The following SRGAP2C variants were observed in gnomAD, a reference collection of about 807,000 sequenced individuals.
The protein encoded by SRGAP2C is SLIT-ROBO Rho GTPase-activating protein 2C.
SRGAP2C carries 15 observed loss-of-function variants against 25.1 expected under a neutral mutation model. The observed-to-expected ratio is 0.60, with a 90% CI of 0.40 to 0.92. The LOEUF is 0.92. Among genes scored for constraint, SRGAP2C ranks in the 40% least tolerant of loss-of-function variants. The pLI is 0.00. For synonymous variants in SRGAP2C, 44 were observed against 96.6 expected, an observed-to-expected ratio of 0.46 and a Z score of 3.19; for missense variants, 144 against 264.4, an observed-to-expected ratio of 0.54 and a Z score of 3.16.
At chr1:121,321,340 C>CA (rs2101606934) in intron 3 of SRGAP2C, among the ~76,000 whole-genome samples, 1 of 102,464 alleles carries the variant, frequency 9.8e-6, no homozygotes, top group Non-Finnish European at 2.0e-5. Flanking sequence ...AACTATCGCA[C>CA]AAAATGCTGT....
chr1:121,268,468 C>T (rs1656860537), intron 2 of SRGAP2C, among the ~76,000 whole-genome samples: 1 of 151,218 alleles, frequency 6.6e-6, no homozygotes, highest in South Asian at 2.1e-4. Context: ...AGCAGGGCTG[C>T]AGTGTGGAGA....
intron 7 of SRGAP2C, 69 bp downstream of exon 7, chr1:121,375,023 C>T (rs1156905982): frequency 6.5e-5 from 47 of 724,052 alleles, no homozygotes; most frequent in South Asian, 2.8e-4. Flanking sequence ...CAGACATTCC[C>T]GATACTATTG....
chr1:121,223,065 C>T (rs1410507307), intron 2 of SRGAP2C, among the ~76,000 whole-genome samples: 21 of 151,946 alleles, frequency 1.4e-4, no homozygotes, highest in African/African-American at 4.4e-4. Flanking sequence ...CTTCTTCTTC[C>T]GAAGCAGTAT....
At chr1:121,334,817 C>T (rs1658476686) in intron 4 of SRGAP2C, among the ~76,000 whole-genome samples, 1 of 142,480 alleles carries the variant, frequency 7.0e-6, no homozygotes, top group Non-Finnish European at 1.5e-5. Flanking sequence ...TCAAATTTTT[C>T]CTCAATTTGA....
chr1:121,255,416 T>A (rs1431511703), intron 2 of SRGAP2C, among the ~76,000 whole-genome samples: 1 of 151,828 alleles, frequency 6.6e-6, no homozygotes, highest in East Asian at 1.9e-4. Flanking sequence ...AGACTTCCCT[T>A]GTTCCCAATT....
intron 2 of SRGAP2C, among the ~76,000 whole-genome samples, chr1:121,211,006 A>G (rs1655236532): frequency 8.0e-6 from 1 of 125,542 alleles, no homozygotes; most frequent in Non-Finnish European, 1.7e-5. Context: ...TTTGGCTGTC[A>G]AAAGGCCACT....
chr1:121,304,739 T>TGCAATC (rs1657788788), intron 3 of SRGAP2C, among the ~76,000 whole-genome samples: 1 of 151,628 alleles, frequency 6.6e-6, no homozygotes, highest in Non-Finnish European at 1.5e-5. Context: ...CACTTGCAAT[T>TGCAATC]GCAATCAAAT....
rs1553337869 is a variant in SRGAP2C at position 121,293,083 on chromosome 1, T to A, written c.260+8088T>A. 8.7e-4 allele frequency among the ~76,000 whole-genome samples: 114 copies of A among 130,772 alleles called. 3 individuals are homozygous for A. The highest frequency in any genetic ancestry group is 1.4e-3 in the Non-Finnish European group (88 of 62,336). The allele number at this position is 130,772 out of a possible 152,430, so 85.8% of individuals were successfully genotyped here. A position where few individuals can be genotyped will look rare whatever the true frequency, so the allele number is the denominator to read the frequency against. On this transcript the variant is annotated intron_variant, in intron 3 of 9. Coordinates refer to ENST00000367123, the MANE Select transcript of SRGAP2C (RefSeq NM_001329984.2). ...GATAAAAAAATTAAAGTGCCAATGC[T>A]AGGCATTGATCCTTTAAGTTTAATA... is the stretch of plus-strand genomic sequence containing the variant.
chr1:121,238,519 G>A (rs1190477395), intron 2 of SRGAP2C, among the ~76,000 whole-genome samples: 27 of 152,096 alleles, frequency 1.8e-4, no homozygotes, highest in Non-Finnish European at 2.2e-4. Context: ...AGCTATAGTG[G>A]TCTTGCCACA....
rs201346515 is a variant in SRGAP2C, at chr1:121,274,396, C to T, written c.68-10407C>T. 3.9e-3 allele frequency among the ~76,000 whole-genome samples: 591 copies of T among 150,550 alleles called. 10 individuals are homozygous for T. Among genetic ancestry groups the T allele is most frequent in the African/African-American group, 0.013 (536 of 41,074 alleles). On this transcript the variant is annotated intron_variant, in intron 2 of 9. Transcript: ENST00000367123. ...AGTAGGATGCTTTGTAGGCATTTCA[C>T]GGGCCAACTGAACTTCTTGGTCTTC...
chr1:121,350,546 T>C (rs1658874477), intron 4 of SRGAP2C, among the ~76,000 whole-genome samples: 1 of 152,062 alleles, frequency 6.6e-6, no homozygotes, highest in Non-Finnish European at 1.5e-5. Context: ...TTAATATGTT[T>C]ATGAGATTAA....
intron 3 of SRGAP2C, among the ~76,000 whole-genome samples, chr1:121,296,522 ATATC>A (rs1657603602): frequency 3.9e-5 from 2 of 51,142 alleles, no homozygotes; most frequent in South Asian, 1.6e-3. Context: ...AATTAGCAGA[ATATC>A]AAGGAGGTAG....
At chr1:121,263,293 T>C in intron 2 of SRGAP2C, among the ~76,000 whole-genome samples, 1 of 151,360 alleles carries the variant, frequency 6.6e-6, no homozygotes, top group Middle Eastern at 3.4e-3. Context: ...CACTGCACTC[T>C]AGCCTGGGTG....
At chr1:121,306,101 A>G (rs1289028645) in intron 3 of SRGAP2C, among the ~76,000 whole-genome samples, 3 of 152,136 alleles carry the variant, frequency 2.0e-5, no homozygotes, top group South Asian at 4.1e-4. Flanking sequence ...TAAGGCTGGG[A>G]CCTCTGTGTC....
intron 2 of SRGAP2C, among the ~76,000 whole-genome samples, chr1:121,266,123 T>C (rs1408593542): frequency 6.6e-6 from 1 of 151,286 alleles, no homozygotes; most frequent in Non-Finnish European, 1.5e-5. Flanking sequence ...TACAGGTGCC[T>C]ACACCACACC....
At chr1:121,348,562 T>A (rs1186501730) in intron 4 of SRGAP2C, among the ~76,000 whole-genome samples, 10 of 151,668 alleles carry the variant, frequency 6.6e-5, no homozygotes, top group Non-Finnish European at 1.5e-4. Context: ...CTGATGAATT[T>A]AAAAACTGAT....
chr1:121,323,104 C>T (rs1444323949), intron 3 of SRGAP2C, among the ~76,000 whole-genome samples: 1 of 151,046 alleles, frequency 6.6e-6, no homozygotes, highest in African/African-American at 2.4e-5. Context: ...TTAATAACAC[C>T]CACCTCATCA....
At chr1:121,356,966 T>C (rs1553347737) in intron 4 of SRGAP2C, among the ~76,000 whole-genome samples, 1 of 151,948 alleles carries the variant, frequency 6.6e-6, no homozygotes, top group African/African-American at 2.4e-5. Flanking sequence ...GCCATTAGCC[T>C]CTTCCTGACC....
At chr1:121,281,555 AGG>A (rs1657245683) in intron 2 of SRGAP2C, among the ~76,000 whole-genome samples, 1 of 127,544 alleles carries the variant, frequency 7.8e-6, no homozygotes. Context: ...TTCCTGGATC[AGG>A]GGTGGGGATA....
Sources: allele counts gnomAD v4.1 joint callset (sites outside exome capture counted in the v4.1 genomes callset), GRCh38; gene constraint gnomAD v4.1.1; transcripts MANE v1.5; gene names NCBI Gene and HGNC (gene_info 2026-07-23, HGNC 2026-07-21).